Variants in LINGO2 observed in about 807,000 individuals in gnomAD.
LINGO2 encodes the protein leucine-rich repeat and immunoglobulin-like domain-containing nogo receptor-interacting protein 2.
A neutral mutation model predicts 30.6 loss-of-function variants in LINGO2; 14 were observed. That is an observed-to-expected ratio of 0.46 (90% CI 0.30 to 0.72). LINGO2 has a LOEUF of 0.72. Among genes scored for constraint, LINGO2 ranks in the 30% least tolerant of loss-of-function variants. The pLI, the probability that LINGO2 is intolerant of heterozygous loss-of-function variation, is 0.07. For missense variants in LINGO2, 729 were observed against 751.7 expected (o/e 0.97, Z 0.35); for synonymous variants, 317 against 288.5 (o/e 1.10, Z -1.00).
intron 4 of LINGO2, among the ~76,000 whole-genome samples, chr9:28,055,418 C>T (rs756930785): frequency 6.6e-5 from 10 of 152,116 alleles, no homozygotes; most frequent in Non-Finnish European, 5.9e-5. Flanking sequence ...GCTATTGCCA[C>T]ATTTCTGTTG....
At chr9:28,529,606 CTTTTTT>C (rs201066699) in intron 1 of LINGO2, among the ~76,000 whole-genome samples, 1 of 125,288 alleles carries the variant, frequency 8.0e-6, no homozygotes, top group African/African-American at 2.9e-5. Context: ...ATTGCAAATA[CTTTTTT>C]TTTTTTTTTT....
the LINGO2 span, among the ~76,000 whole-genome samples, chr9:29,119,617 A>G: frequency 0.27 from 32,169 of 120,984 alleles, 4,099 homozygotes; most frequent in East Asian, 0.47. Context: ...ACAGAGTTTC[A>G]CTCTGTTGCC....
the LINGO2 span, among the ~76,000 whole-genome samples, chr9:28,969,198 A>G: frequency 2.6e-5 from 4 of 152,144 alleles, no homozygotes; most frequent in Admixed American, 6.5e-5. Context: ...AAATAAAAAG[A>G]GCAGATTAAG....
chr9:29,192,910 C>T, the LINGO2 span, among the ~76,000 whole-genome samples: 8 of 152,282 alleles, frequency 5.3e-5, no homozygotes, highest in East Asian at 1.9e-4. Flanking sequence ...TCAAACTATG[C>T]GGTGCCCCAT....
chr9:28,054,587 A>C (rs897250669), intron 4 of LINGO2, among the ~76,000 whole-genome samples: 2 of 152,246 alleles, frequency 1.3e-5, no homozygotes, highest in African/African-American at 2.4e-5. Flanking sequence ...AAAAACTTAC[A>C]ACACTTGATC....
the LINGO2 span, among the ~76,000 whole-genome samples, chr9:28,884,378 G>T: frequency 6.6e-6 from 1 of 152,004 alleles, no homozygotes; most frequent in African/African-American, 2.4e-5. Flanking sequence ...CAGTTCTTCT[G>T]ATCAGCACGA....
chr9:28,647,229 A>C (rs534486426), intron 1 of LINGO2, among the ~76,000 whole-genome samples: 27 of 152,130 alleles, frequency 1.8e-4, no homozygotes, highest in Non-Finnish European at 2.9e-4. Context: ...AAATTGATCA[A>C]ACTCAAAATA....
At chr9:28,332,585 GAA>G (rs5897281) in intron 3 of LINGO2, among the ~76,000 whole-genome samples, 1 of 140,502 alleles carries the variant, frequency 7.1e-6, no homozygotes, top group Admixed American at 7.2e-5. Context: ...ATTAAGTACA[GAA>G]AAAAAAAAAG....
intron 4 of LINGO2, among the ~76,000 whole-genome samples, chr9:28,207,007 T>A (rs892413292): frequency 1.3e-5 from 2 of 152,186 alleles, no homozygotes; most frequent in African/African-American, 4.8e-5. Flanking sequence ...AGATAAATAT[T>A]TCTCTTATTT....
At chr9:28,729,416 C>G in the LINGO2 span, among the ~76,000 whole-genome samples, 1 of 151,630 alleles carries the variant, frequency 6.6e-6, no homozygotes, top group Admixed American at 6.6e-5. Flanking sequence ...AGAACAGAAA[C>G]AGAGGAAAAA....
the LINGO2 span, among the ~76,000 whole-genome samples, chr9:28,779,656 A>C: frequency 6.6e-6 from 1 of 152,168 alleles, no homozygotes; most frequent in Non-Finnish European, 1.5e-5. Context: ...AATTGTATGA[A>C]TCTTACAACA....
chr9:28,550,173 A>T (rs1043750840), intron 1 of LINGO2, among the ~76,000 whole-genome samples: 52 of 151,918 alleles, frequency 3.4e-4, no homozygotes, highest in African/African-American at 1.2e-3. Context: ...ATTACTAAGA[A>T]TTAAGCATCA....
chr9:29,179,654 C>T, the LINGO2 span, among the ~76,000 whole-genome samples: 1 of 152,180 alleles, frequency 6.6e-6, no homozygotes, highest in Non-Finnish European at 1.5e-5. Flanking sequence ...ATCCACCCGC[C>T]TCAGCTTCCC....
Position 28,129,458 on chromosome 9 carries a change from C to T in LINGO2, c.-86-117053G>A, listed in dbSNP as rs1172128866. 6.6e-6 allele frequency among the ~76,000 whole-genome samples: 1 copy of T among 152,162 alleles called. No homozygotes were observed. Reference sequence around the variant, plus strand: ...CCCAAAAAGAGATTCCTAAGTATAACTCTTGGCCGGCCTGGATGTCTCATC... The same window carrying T: ...CCCAAAAAGAGATTCCTAAGTATAATTCTTGGCCGGCCTGGATGTCTCATC... On this transcript the variant is annotated intron_variant, in intron 4 of 5. Coordinates refer to ENST00000379992, the Ensembl canonical transcript of LINGO2. The surrounding 1 kb of genome is among the most constrained non-coding windows in gnomAD (Gnocchi z 4.0).
chr9:28,005,386 G>A (rs189387039), intron 5 of LINGO2, among the ~76,000 whole-genome samples: 215 of 152,256 alleles, frequency 1.4e-3, no homozygotes, highest in Non-Finnish European at 2.7e-3. Context: ...GATGATTTCA[G>A]AACAAATGAG....
intron 3 of LINGO2, among the ~76,000 whole-genome samples, chr9:28,372,218 C>A (rs1820930522): frequency 6.6e-6 from 1 of 152,120 alleles, no homozygotes; most frequent in African/African-American, 2.4e-5. Context: ...TCACTTAAGT[C>A]TATGTTGTAC....
the LINGO2 span, among the ~76,000 whole-genome samples, chr9:29,053,377 C>G: frequency 0.36 from 54,439 of 151,790 alleles, 9,857 homozygotes; most frequent in East Asian, 0.48. Context: ...TCCCCTTCCT[C>G]TGTCCATGTG....
At chr9:29,110,957 G>A in the LINGO2 span, among the ~76,000 whole-genome samples, 2 of 152,056 alleles carry the variant, frequency 1.3e-5, no homozygotes, top group African/African-American at 2.4e-5. Flanking sequence ...CCAAAGTGCT[G>A]GAATTACAGG....
intron 4 of LINGO2, among the ~76,000 whole-genome samples, chr9:28,045,178 A>ACC (rs1480677082): frequency 5.7e-4 from 86 of 152,190 alleles, no homozygotes; most frequent in African/African-American, 2.0e-3. Flanking sequence ...TCCAAAAAAA[A>ACC]CCCACACACA....
Sources: gnomAD v4.1 joint callset for allele counts (sites outside exome capture counted in the v4.1 genomes callset) on GRCh38, gnomAD v4.1.1 for gene constraint, Gnocchi (gnomAD v3.1) non-coding constraint, MANE v1.5 for transcripts, NCBI Gene and HGNC (gene_info 2026-07-23, HGNC 2026-07-21) for gene names.